The following NPHS1 variants were observed in gnomAD, a reference collection of about 807,000 sequenced individuals.
NPHS1 encodes nephrin.
In NPHS1, 107 loss-of-function variants were observed where a neutral mutation model predicts 139.7. The observed-to-expected ratio is 0.77, with a 90% CI of 0.66 to 0.90. NPHS1 has a LOEUF of 0.90. NPHS1 is among the 40% of genes least tolerant of loss of function. NPHS1 has a pLI of 0.00. For synonymous variants in NPHS1, 707 were observed against 706.6 expected (o/e 1.00, Z -0.01); for missense variants, 1,580 against 1,654.2 (o/e 0.96, Z 0.78).
chr19:35,837,927 G>A (rs1209555899), intron 22 of NPHS1, among the ~76,000 whole-genome samples: 1 of 135,586 alleles, frequency 7.4e-6, no homozygotes, highest in African/African-American at 2.9e-5. Flanking sequence ...ATGCATTTGA[G>A]GTTATTCTCT....
At position 35,849,313 on chromosome 19, in the gene NPHS1, C is replaced by A. The variant is rs756579664; in HGVS notation, c.763G>T (p.Val255Leu). Residue 255 changes from valine (V) to leucine (L), a missense_variant, in exon 7 of 29, where the codon GTG becomes TTG. Coordinates refer to ENST00000378910, the MANE Select transcript of NPHS1 (RefSeq NM_004646.4). ...IEWPGLDEGHVRAGQSLELPC... is the reference protein window; with the variant it reads ...IEWPGLDEGHLRAGQSLELPC... The stretch of plus-strand genomic sequence containing the variant: ...AGCTCCAAGCTCTGTCCTGCCCGCA[C>A]GTGCCCCTCATCCAGGCCTGGCCAC... 2.2e-5 allele frequency: 36 copies of A among 1,612,980 alleles called. No homozygotes were observed. The highest frequency in any genetic ancestry group is 2.8e-5 in the Non-Finnish European group (33 of 1,180,006).
rs1283720567 is a variant in NPHS1, at chr19:35,845,675, C to T, written c.1751G>A (p.Gly584Glu). The change falls in exon 13 of 29, where the codon GGG becomes GAG. Residue 584 changes from glycine (G) to glutamate (E), a missense_variant. Coordinates refer to ENST00000378910, the MANE Select transcript of NPHS1 (RefSeq NM_004646.4). The surrounding 1 kb of genome is among the most constrained non-coding windows in gnomAD (Gnocchi z 5.5). Reference sequence around the variant, plus strand: ...GGATCCCTCGCACTCCCACCTCTCCCCTTCCTTGTCCCAGGACAAGTTGAC... The same window carrying T: ...GGATCCCTCGCACTCCCACCTCTCCTCTTCCTTGTCCCAGGACAAGTTGAC... ...PPVNLSWDKE[G>E]ERLEGVAAPP... 6.2e-7 allele frequency: 1 copy of T among 1,613,644 alleles called. No homozygotes were observed. Among genetic ancestry groups the T allele is most frequent in the East Asian group, 2.2e-5 (1 of 44,862 alleles).
At chr19:35,827,554 T>C (rs1972814873) in intron 28 of NPHS1, among the ~76,000 whole-genome samples, 1 of 152,228 alleles carries the variant, frequency 6.6e-6, no homozygotes, top group Non-Finnish European at 1.5e-5. Flanking sequence ...CCCGACTAAC[T>C]GGATTATTTT....
chr19:35,840,622 C>T (rs1479639944), intron 20 of NPHS1, among the ~76,000 whole-genome samples: 5 of 151,934 alleles, frequency 3.3e-5, no homozygotes, highest in Non-Finnish European at 7.4e-5. Flanking sequence ...GTGTGAGCCA[C>T]TGCACCCGGC....
intron 16 of NPHS1, 137 bp from the exon 17 acceptor site, chr19:35,843,730 G>T: frequency 8.9e-7 from 1 of 1,117,872 alleles, no homozygotes. Context: ...TAATACCAAA[G>T]GGTTGGAGGA....
Position 35,844,110 on chromosome 19 carries a change from G to A in NPHS1, c.2205C>T (p.Asp735=), listed in dbSNP as rs1371088115. ...EGTAEARLRL[D]VHYAPTIRAL... ...ATGGTGGGCGGGGCTCACAGTGCAC[G>A]TCCAGCCGCAGCCGCGCTTCCGCGG... is the stretch of plus-strand genomic sequence containing the variant. The change falls in exon 16 of 29, where the codon GAC becomes GAT. Residue 735 remains aspartate (D), a synonymous_variant. Coordinates refer to ENST00000378910, the MANE Select transcript of NPHS1 (RefSeq NM_004646.4). 2 of 1,607,538 alleles carry A rather than the reference G, an allele frequency of 1.2e-6. No homozygotes were observed. Among genetic ancestry groups the A allele is most frequent in the South Asian group, 1.1e-5 (1 of 90,964 alleles).
In NPHS1 at chr19:35,842,183, G is replaced by A. The variant is rs766776753; in HGVS notation, c.2604C>T (p.Val868=). Residue 868 remains valine (V), a synonymous_variant, in exon 19 of 29, where the codon GTC becomes GTT. Transcript: ENST00000378910. ...TTGTCCAAGTGAAAACGATGTTGGG[G>A]ACACCTCGGGCACGGCAGTGGAGGG... The part of the protein sequence containing the change: ...SATLHCRARG[V]PNIVFTWTKN... 5.6e-6 allele frequency: 9 copies of A among 1,611,356 alleles called. No individual in the cohort carries two copies. The South Asian group carries it at 9.9e-5, about 18-fold the overall frequency.
Position 35,826,526 on chromosome 19 carries a change from T to C in NPHS1, c.3714A>G (p.Gly1238=), listed in dbSNP as rs368513578. 3.7e-6 allele frequency: 6 copies of C among 1,613,590 alleles called. No individual in the cohort carries two copies. Among genetic ancestry groups the C allele is most frequent in the African/African-American group, 1.3e-5 (1 of 74,866 alleles). Residue 1238 remains glycine, a synonymous_variant, in exon 29 of 29, where the codon GGA becomes GGG. Coordinates refer to ENST00000378910, the MANE Select transcript of NPHS1 (RefSeq NM_004646.4). ...GTTGAGAGGGCTCTTACACCAGATG[T>C]CCCCTCAGCTCGAAGGGCAGAGAAT... ...EPDSLPFELR[G]HLV is the part of the protein sequence containing the mutation.
At chr19:35,832,008 T>C (rs542313603) in intron 23 of NPHS1, among the ~76,000 whole-genome samples, 1 of 152,292 alleles carries the variant, frequency 6.6e-6, no homozygotes, top group African/African-American at 2.4e-5. Flanking sequence ...AACTCTGGAC[T>C]CAGGAGGGAG....
chr19:35,843,846 C>T lies in NPHS1; in HGVS notation c.2213-253G>A, dbSNP rs1973095036. Reference sequence around the variant, plus strand: ...AATTGTGTGTGTAGCAGGGCTTATACAGTGGGCTCTCATTCCTGACGGGAG... The same window carrying T: ...AATTGTGTGTGTAGCAGGGCTTATATAGTGGGCTCTCATTCCTGACGGGAG... On this transcript the variant is annotated intron_variant, in intron 16 of 28. Coordinates refer to ENST00000378910, the MANE Select transcript of NPHS1 (RefSeq NM_004646.4). 6.2e-6 allele frequency: 4 copies of T among 647,582 alleles called. No individual in the cohort carries two copies. In the East Asian group the frequency reaches 1.1e-4, roughly 18 times the overall value. The allele number at this position is 647,582 out of a possible 1,614,324, so 40.1% of individuals were successfully genotyped here.
In NPHS1 at chr19:35,842,362, G is replaced by T. The variant is rs773905176; in HGVS notation, c.2506+17C>A. ...TCAGTGGCAGGTCTTGAAGTCAGGT[G>T]TTTGGGTAATACCCACATCTGACAA... On this transcript the variant is annotated intron_variant, in intron 18 of 28. Coordinates refer to ENST00000378910, the MANE Select transcript of NPHS1 (RefSeq NM_004646.4). 1 of 1,613,308 alleles carries T rather than the reference G, an allele frequency of 6.2e-7. No homozygotes were observed. Among genetic ancestry groups the T allele is most frequent in the Admixed American group, 1.7e-5 (1 of 60,018 alleles).
At chr19:35,848,429 T>C (rs1410874392) in intron 9 of NPHS1, 32 bp from the exon 10 acceptor site, 2 of 1,613,968 alleles carry the variant, frequency 1.2e-6, no homozygotes, top group East Asian at 2.2e-5. Context: ...ACGTGGGGAC[T>C]GCAGCACCCC....
Position 35,833,413 on chromosome 19 carries a change from G to A in NPHS1, c.3167-1651C>T, listed in dbSNP as rs192985367. On this transcript the variant is annotated intron_variant, in intron 23 of 28. Coordinates refer to ENST00000378910, the MANE Select transcript of NPHS1 (RefSeq NM_004646.4). ...GGACTCCACAGTGGGCACATGGCCC[G>A]GCCTGGAAAATAAGAGTCTCCATTC... 6.3e-4 allele frequency among the ~76,000 whole-genome samples: 96 copies of A among 152,258 alleles called. No homozygotes were observed. The Middle Eastern group carries it at 0.02, about 32-fold the overall frequency.
chr19:35,830,137 T>C (rs991476499), intron 28 of NPHS1, among the ~76,000 whole-genome samples: 4 of 152,228 alleles, frequency 2.6e-5, no homozygotes, highest in African/African-American at 9.6e-5. Flanking sequence ...CCTTCCACAG[T>C]AGCAGAATTG....
chr19:35,841,967 T>G (rs1973062507), intron 19 of NPHS1, 101 bp from the exon 20 acceptor site: 2 of 1,423,012 alleles, frequency 1.4e-6, no homozygotes, highest in African/African-American at 2.8e-5. Context: ...TCTGCCTATC[T>G]ATCCATTCAT....
chr19:35,831,654 C>A lies in NPHS1; in HGVS notation c.3275G>T (p.Arg1092Leu). ...GGGTCTCTCCTCACCCTCAGCAAGA[C>A]GCCTGAGTCTCCGCTGCCAGAGGAC... ...GGVLWQRRLRRLAEGISEKTE... is the reference protein window; with the variant it reads ...GGVLWQRRLRLLAEGISEKTE... Residue 1092 changes from arginine (R) to leucine (L), a missense_variant, in exon 24 of 29, where the codon CGT (arginine) becomes CTT (leucine). By Grantham distance (102) the Arg-to-Leu change is moderately radical. Transcript: ENST00000378910. 1 of 1,613,140 alleles carries A rather than the reference C, an allele frequency of 6.2e-7. No individual in the cohort carries two copies. Among genetic ancestry groups the A allele is most frequent in the South Asian group, 1.1e-5 (1 of 91,008 alleles).
intron 28 of NPHS1, among the ~76,000 whole-genome samples, chr19:35,829,874 G>A (rs1972852323): frequency 6.6e-6 from 1 of 151,294 alleles, no homozygotes; most frequent in African/African-American, 2.4e-5. Context: ...GTATTATTGT[G>A]TTGCCCAGGC....
intron 22 of NPHS1, among the ~76,000 whole-genome samples, chr19:35,837,607 CTCTT>C (rs1194917551): frequency 6.6e-6 from 1 of 151,516 alleles, no homozygotes; most frequent in African/African-American, 2.4e-5. Flanking sequence ...CTCTCTCTCT[CTCTT>C]TCTTTCTTTA....
Position 35,844,173 on chromosome 19 carries a change from G to A in NPHS1, c.2142C>T (p.Asp714=). 1 of 1,611,108 alleles carries A rather than the reference G, an allele frequency of 6.2e-7. No homozygotes were observed. Among genetic ancestry groups the A allele is most frequent in the Non-Finnish European group, 8.5e-7 (1 of 1,179,992 alleles). The change falls in exon 16 of 29, where the codon GAC becomes GAT. Residue 714 remains aspartate (D), a synonymous_variant. Transcript: ENST00000378910. ...TCTGGCAGTGCAGCTGATAGAGGCC[G>A]TCGTCCGCGCGGGTCACATTCCACA... ...LHLWNVTRAD[D]GLYQLHCQNS...
Sources: gnomAD v4.1 joint callset for allele counts (sites outside exome capture counted in the v4.1 genomes callset) on GRCh38, gnomAD v4.1.1 for gene constraint, Gnocchi (gnomAD v3.1) non-coding constraint, MANE v1.5 for transcripts, NCBI Gene and HGNC (gene_info 2026-07-23, HGNC 2026-07-21) for gene names.